MICOS10: variants seen among roughly 807,000 people sequenced by gnomAD.
MICOS10 encodes MICOS complex subunit MIC10.
MICOS10 carries 5 observed loss-of-function variants against 13.4 expected under a neutral mutation model. The observed-to-expected ratio is 0.37, with a 90% confidence interval of 0.20 to 0.78. MICOS10 has a LOEUF of 0.78. Among genes scored for constraint, MICOS10 ranks in the 30% least tolerant of loss-of-function variants. The pLI is 0.47. For missense variants in MICOS10, 101 were observed against 94.6 expected (o/e 1.07, Z -0.28); for synonymous variants, 35 against 33.6 (o/e 1.04, Z -0.15).
At chr1:19,604,324 A>G (rs2094826851) in intron 1 of MICOS10, among the ~76,000 whole-genome samples, 1 of 152,094 alleles carries the variant, frequency 6.6e-6, no homozygotes, top group East Asian at 1.9e-4. Context: ...CTGGCCAACA[A>G]TGGTGAAACC....
chr1:19,606,483 C>T (rs2094835198), intron 1 of MICOS10, among the ~76,000 whole-genome samples: 1 of 152,202 alleles, frequency 6.6e-6, no homozygotes, highest in South Asian at 2.1e-4. Flanking sequence ...CGGTGGCTCA[C>T]ACCTGTAATC....
intron 1 of MICOS10, among the ~76,000 whole-genome samples, chr1:19,604,768 G>A (rs2094828863): frequency 2.0e-5 from 3 of 152,172 alleles, no homozygotes; most frequent in East Asian, 3.9e-4. Context: ...AATAGGCACT[G>A]GCCCTACCCT....
chr1:19,609,585 A>AT (rs1423481475), intron 1 of MICOS10, among the ~76,000 whole-genome samples: 1 of 152,274 alleles, frequency 6.6e-6, no homozygotes, highest in African/African-American at 2.4e-5. Flanking sequence ...AACAACTGAG[A>AT]TATCCATCAG....
chr1:19,600,760 C>T (rs1343482461), intron 1 of MICOS10: 1 of 488,534 alleles, frequency 2.0e-6, no homozygotes, highest in African/African-American at 2.0e-5. Context: ...CACCACCATA[C>T]CCATCTAACT....
rs747012579 is a variant in MICOS10, at chr1:19,608,455, G to T, written c.64+11346G>T. 1.2e-5 allele frequency: 15 copies of T among 1,277,290 alleles called. No homozygotes were observed. The African/African-American group carries it at 2.2e-4, about 19-fold the overall frequency. 79.1% of individuals were successfully genotyped at this position (1,277,290 alleles called of 1,614,324 possible). On this transcript the variant is annotated intron_variant, in intron 1 of 3. Transcript: ENST00000322753. ...AGACCCTTGGACCTGGGGCCCAGTC[G>T]GCCCTCAGAGCCCTTGCCTGCTCGG...
intron 3 of MICOS10, among the ~76,000 whole-genome samples, chr1:19,624,513 C>A (rs1188062658): frequency 6.6e-6 from 1 of 152,126 alleles, no homozygotes; most frequent in East Asian, 1.9e-4. Flanking sequence ...GTCTTGAACT[C>A]CTGACCTCAG....
Position 19,627,488 on chromosome 1 carries a change from A to C in MICOS10, c.*1087A>C, listed in dbSNP as rs1195465100. ...ATGGAAAGACAGACGTGCAAACACAACTCTGAAAGAAGTGTTTTAATGGAG... is the reference window on the plus strand; with the variant it reads ...ATGGAAAGACAGACGTGCAAACACACCTCTGAAAGAAGTGTTTTAATGGAG... On this transcript the variant is annotated 3_prime_UTR_variant, in exon 4 of 4. Transcript: ENST00000322753. The C allele has an allele frequency of 6.6e-6, 1 of 152,170 alleles. No individual in the cohort carries two copies. Among genetic ancestry groups the C allele is most frequent in the Non-Finnish European group, 1.5e-5 (1 of 68,024 alleles). The allele number at this position is 152,170 out of a possible 1,614,324, so 9.4% of individuals were successfully genotyped here. A position where few individuals can be genotyped will look rare whatever the true frequency, so the allele number is the denominator to read the frequency against.
chr1:19,608,287 T>C, intron 1 of MICOS10: 1 of 1,346,192 alleles, frequency 7.4e-7, no homozygotes, highest in Non-Finnish European at 1.1e-6. Context: ...GTGTGACTGG[T>C]GGGATGAAGG....
chr1:19,611,469 A>T (rs1444695275), intron 1 of MICOS10, among the ~76,000 whole-genome samples: 72 of 90,276 alleles, frequency 8.0e-4, no homozygotes, highest in African/African-American at 2.2e-3. Flanking sequence ...TTGCAACTTG[A>T]TTTTTTTTTT....
intron 3 of MICOS10, 70 bp from the exon 4 acceptor site, chr1:19,626,317 A>G: frequency 6.2e-7 from 1 of 1,603,986 alleles, no homozygotes; most frequent in Non-Finnish European, 8.5e-7. Context: ...GTCTGACCTG[A>G]TACAGCAATT....
chr1:19,600,855 C>G (rs1309531921), intron 1 of MICOS10: 26 of 1,279,930 alleles, frequency 2.0e-5, no homozygotes, highest in Non-Finnish European at 2.6e-5. Flanking sequence ...CCTACCTTGG[C>G]CTCCCAACGT....
At chr1:19,614,020 T>C (rs1044885351) in intron 1 of MICOS10, among the ~76,000 whole-genome samples, 2 of 152,192 alleles carry the variant, frequency 1.3e-5, no homozygotes, top group East Asian at 3.8e-4. Flanking sequence ...TTCCCTTTAT[T>C]TACTATTCCA....
intron 3 of MICOS10, chr1:19,623,860 A>C (rs976623164): frequency 7.5e-6 from 2 of 265,134 alleles, no homozygotes; most frequent in African/African-American, 4.4e-5. Context: ...ATCAATGGTA[A>C]GGTAGATTGT....
chr1:19,617,385 CTT>C (rs2094888246), intron 1 of MICOS10: 2 of 829,184 alleles, frequency 2.4e-6, no homozygotes, highest in Non-Finnish European at 2.9e-6. Flanking sequence ...CCTAAATGCT[CTT>C]TGTCAGTGTT....
chr1:19,600,843 C>T, intron 1 of MICOS10: 1 of 1,257,040 alleles, frequency 8.0e-7, no homozygotes, highest in Non-Finnish European at 1.0e-6. Flanking sequence ...CCAAACGATC[C>T]ACCTACCTTG....
At chr1:19,602,447 T>C (rs1368072923) in intron 1 of MICOS10, among the ~76,000 whole-genome samples, 1 of 152,222 alleles carries the variant, frequency 6.6e-6, no homozygotes, top group Non-Finnish European at 1.5e-5. Context: ...AATAAAGTAG[T>C]ATTAAAAATG....
rs2094926289 is a variant in MICOS10 at position 19,627,654 on chromosome 1, T to C, written c.*1253T>C. ...TCCCAGACAGAAGGAGGGTAGCCTCTGTGTTTGCTCAGGATCATGTAATGC... is the reference window on the plus strand; with the variant it reads ...TCCCAGACAGAAGGAGGGTAGCCTCCGTGTTTGCTCAGGATCATGTAATGC... On this transcript the variant is annotated 3_prime_UTR_variant, in exon 4 of 4. Transcript: ENST00000322753. 1 of 152,240 alleles carries C rather than the reference T, an allele frequency of 6.6e-6. No individual in the cohort carries two copies. Among genetic ancestry groups the C allele is most frequent in the Admixed American group, 6.5e-5 (1 of 15,278 alleles). 9.4% of individuals were successfully genotyped at this position (152,240 alleles called of 1,614,324 possible).
intron 1 of MICOS10, among the ~76,000 whole-genome samples, chr1:19,612,221 A>T (rs1470783218): frequency 1.4e-5 from 2 of 146,592 alleles, no homozygotes; most frequent in Admixed American, 6.8e-5. Flanking sequence ...TTTTTTTTTA[A>T]TTTTTTTTTA....
chr1:19,614,671 C>G (rs150881337), intron 1 of MICOS10: 2 of 152,350 alleles, frequency 1.3e-5, no homozygotes, highest in East Asian at 3.9e-4. Context: ...CAGCAAAATG[C>G]TCTTCCTTTC....
Sources: allele counts gnomAD v4.1 joint callset (sites outside exome capture counted in the v4.1 genomes callset), GRCh38; gene constraint gnomAD v4.1.1; transcripts MANE v1.5; gene names NCBI Gene and HGNC (gene_info 2026-07-23, HGNC 2026-07-21).